Variants in PATJ observed in about 807,000 individuals in gnomAD.
PATJ encodes inaD-like protein.
A neutral mutation model predicts 224.9 loss-of-function variants in PATJ; 190 were observed. The ratio of observed to expected loss-of-function variants is 0.84; its 90% CI spans 0.75 to 0.95. The LOEUF (loss-of-function observed/expected upper bound fraction) is 0.95. Among genes scored for constraint, PATJ ranks in the 40% least tolerant of loss-of-function variants. The pLI is 0.00. For synonymous variants in PATJ, 769 were observed against 820.3 expected (o/e 0.94, Z 1.07); for missense variants, 2,121 against 2,270.3 (o/e 0.93, Z 1.34).
At chr1:62,153,510 TA>T (rs869178929) in intron 43 of PATJ, 29 bp downstream of exon 43, 2 of 1,220,216 alleles carry the variant, frequency 1.6e-6, no homozygotes, top group Non-Finnish European at 2.0e-6. Flanking sequence ...TGTACTTTTT[TA>T]AAAAAATTAA....
chr1:61,898,020 A>AGAGG (rs1670621245), intron 22 of PATJ, among the ~76,000 whole-genome samples: 1 of 152,190 alleles, frequency 6.6e-6, no homozygotes, highest in Admixed American at 6.5e-5. Context: ...CAACAGTTTT[A>AGAGG]TCCTAGATAC....
At chr1:62,054,649 A>G (rs1654235518) in intron 31 of PATJ, among the ~76,000 whole-genome samples, 1 of 152,242 alleles carries the variant, frequency 6.6e-6, no homozygotes, top group African/African-American at 2.4e-5. Context: ...AGAAGTCTAG[A>G]TGAGAGCCTG....
intron 20 of PATJ, among the ~76,000 whole-genome samples, chr1:61,870,195 A>G (rs1402456882): frequency 6.6e-6 from 1 of 152,128 alleles, no homozygotes; most frequent in African/African-American, 2.4e-5. Flanking sequence ...TTTTATTGCC[A>G]ATAAAGTGGC....
At chr1:61,946,176 C>T (rs1678670216) in intron 27 of PATJ, among the ~76,000 whole-genome samples, 2 of 152,074 alleles carry the variant, frequency 1.3e-5, no homozygotes, top group Non-Finnish European at 2.9e-5. Flanking sequence ...CAAGAGCAAA[C>T]ACATTCAAAA....
intron 27 of PATJ, among the ~76,000 whole-genome samples, chr1:61,976,476 G>A (rs372655320): frequency 2.0e-5 from 3 of 151,848 alleles, no homozygotes; most frequent in African/African-American, 4.9e-5. Context: ...GCACAATCTC[G>A]GCTCACTGCA....
At chr1:62,021,851 C>T (rs1428096300) in intron 29 of PATJ, among the ~76,000 whole-genome samples, 1 of 152,110 alleles carries the variant, frequency 6.6e-6, no homozygotes, top group Non-Finnish European at 1.5e-5. Flanking sequence ...ACCACAGATG[C>T]GACTTTGTTT....
chr1:61,771,383 A>C (rs746881263), intron 5 of PATJ, 48 bp from the exon 6 acceptor site: 1 of 1,224,792 alleles, frequency 8.2e-7, no homozygotes. Flanking sequence ...ATTTTTAAAA[A>C]TCAGGTTATT....
intron 27 of PATJ, among the ~76,000 whole-genome samples, chr1:61,978,422 T>C (rs1196263151): frequency 6.6e-6 from 1 of 151,800 alleles, no homozygotes; most frequent in African/African-American, 2.4e-5. Flanking sequence ...TGTGCTACCA[T>C]GCCCAGCTAA....
intron 31 of PATJ, chr1:62,054,307 A>G: frequency 2.4e-6 from 1 of 423,882 alleles, no homozygotes; most frequent in Non-Finnish European, 4.7e-6. Flanking sequence ...AGGTGGCAGT[A>G]AGCTGTGATT....
intron 20 of PATJ, among the ~76,000 whole-genome samples, chr1:61,869,224 A>C (rs1416215602): frequency 6.9e-6 from 1 of 144,458 alleles, no homozygotes; most frequent in African/African-American, 2.6e-5. Context: ...CTCCTGCCTC[A>C]GCCTCCCAAG....
chr1:62,071,591 A>T (rs1657424408), intron 31 of PATJ, among the ~76,000 whole-genome samples: 1 of 149,676 alleles, frequency 6.7e-6, no homozygotes, highest in African/African-American at 2.5e-5. Flanking sequence ...CTCCCCAGGT[A>T]AAAGCAATTC....
chr1:62,068,016 G>A (rs1348696748), intron 31 of PATJ, among the ~76,000 whole-genome samples: 1 of 152,112 alleles, frequency 6.6e-6, no homozygotes, highest in Non-Finnish European at 1.5e-5. Flanking sequence ...CCCTAGGCCA[G>A]TCTCCTGAAC....
At chr1:61,966,063 G>C (rs1047325452) in intron 27 of PATJ, among the ~76,000 whole-genome samples, 1 of 152,040 alleles carries the variant, frequency 6.6e-6, no homozygotes, top group African/African-American at 2.4e-5. Flanking sequence ...CACCATGCCC[G>C]GCTAATTTTT....
intron 1 of PATJ, among the ~76,000 whole-genome samples, chr1:61,760,586 G>C (rs1376525980): frequency 6.6e-6 from 1 of 151,164 alleles, no homozygotes; most frequent in Non-Finnish European, 1.5e-5. Context: ...ATGCCACTTT[G>C]AGTGGTTTCT....
At chr1:62,083,410 G>A (rs1378537431) in intron 32 of PATJ, among the ~76,000 whole-genome samples, 7 of 152,202 alleles carry the variant, frequency 4.6e-5, no homozygotes, top group South Asian at 2.1e-4. Flanking sequence ...GATTACAGGC[G>A]TGAACCACCG....
intron 27 of PATJ, among the ~76,000 whole-genome samples, chr1:61,932,423 C>T (rs1282109616): frequency 6.6e-6 from 1 of 152,186 alleles, no homozygotes; most frequent in Admixed American, 6.5e-5. Context: ...GCAAGGAGCA[C>T]TTCCAGGAGA....
chr1:61,946,711 AT>A (rs1487946268), intron 27 of PATJ, among the ~76,000 whole-genome samples: 1 of 152,198 alleles, frequency 6.6e-6, no homozygotes, highest in African/African-American at 2.4e-5. Context: ...TCCCTAATTC[AT>A]TTTATGTGGC....
intron 22 of PATJ, among the ~76,000 whole-genome samples, chr1:61,886,284 C>T (rs957933114): frequency 1.3e-5 from 2 of 151,892 alleles, no homozygotes; most frequent in Admixed American, 1.3e-4. Context: ...AATGAGTGAA[C>T]TAGATTGACT....
rs186032389 is a variant in PATJ at position 62,139,066 on chromosome 1, C to T, written c.5272-9218C>T. Among the ~76,000 whole-genome samples, 147 of 152,080 alleles carry T rather than the reference C, an allele frequency of 9.7e-4. 1 individual carries two copies. The highest frequency in any genetic ancestry group is 3.3e-3 in the African/African-American group (136 of 41,486). On this transcript the variant is annotated intron_variant, in intron 41 of 43. Coordinates refer to ENST00000642238, the MANE Select transcript of PATJ (RefSeq NM_001350145.3). ...CCCCATCTCTATTCTCAGAACCTTT[C>T]GCAGAAGTTTACAGCCAGGAGTGTA...
Sources: gnomAD v4.1 joint callset for allele counts (sites outside exome capture counted in the v4.1 genomes callset) on GRCh38, gnomAD v4.1.1 for gene constraint, MANE v1.5 for transcripts, NCBI Gene and HGNC (gene_info 2026-07-23, HGNC 2026-07-21) for gene names.